PIGN: variants seen among roughly 807,000 people sequenced by gnomAD.
The protein encoded by PIGN is GPI ethanolamine phosphate transferase 1.
A neutral mutation model predicts 125.4 loss-of-function variants in PIGN; 117 were observed. The observed-to-expected ratio is 0.93, with a 90% CI of 0.80 to 1.09. The LOEUF is 1.09. PIGN is among the 50% of genes least tolerant of loss of function. The pLI is 0.00. For missense variants in PIGN, 1,075 were observed against 1,094.9 expected, an observed-to-expected ratio of 0.98 and a Z score of 0.26; for synonymous variants, 392 against 377.8, an observed-to-expected ratio of 1.04 and a Z score of -0.44.
intron 14 of PIGN, among the ~76,000 whole-genome samples, chr18:62,133,971 T>C (rs2035833802): frequency 6.6e-6 from 1 of 152,216 alleles, no homozygotes; most frequent in African/African-American, 2.4e-5. Flanking sequence ...ATGTTCTTCT[T>C]ACTTTTTCTT....
chr18:62,182,657 T>G (rs535164142), intron 1 of PIGN, among the ~76,000 whole-genome samples: 1 of 152,344 alleles, frequency 6.6e-6, no homozygotes, highest in South Asian at 2.1e-4. Flanking sequence ...ATCCATTTCT[T>G]GCCATGTAGC....
chr18:62,079,348 T>C (rs2033337025), intron 28 of PIGN, among the ~76,000 whole-genome samples: 1 of 152,248 alleles, frequency 6.6e-6, no homozygotes, highest in African/African-American at 2.4e-5. Flanking sequence ...TCACAAAATG[T>C]ATCACCAGTG....
rs1301709005 is a variant in PIGN, at chr18:62,041,550, C to G, written c.*4306G>C. The G allele has an allele frequency of 1.3e-5, 2 of 151,978 alleles. No homozygotes were observed. The highest frequency in any genetic ancestry group is 2.9e-5 in the Non-Finnish European group (2 of 68,006). 9.4% of individuals were successfully genotyped at this position (151,978 alleles called of 1,614,324 possible). A position where few individuals can be genotyped will look rare whatever the true frequency, so the allele number is the denominator to read the frequency against. On this transcript the variant is annotated 3_prime_UTR_variant, in exon 31 of 31. Coordinates refer to ENST00000640252, the MANE Select transcript of PIGN (RefSeq NM_176787.5). ...GTCGCCCAGAGTGGCACCATCTCGG[C>G]TCATTGCAAATTCCACCTCCCAGGT...
chr18:62,086,800 T>C (rs1284495267), intron 25 of PIGN, among the ~76,000 whole-genome samples: 1 of 151,908 alleles, frequency 6.6e-6, no homozygotes, highest in Non-Finnish European at 1.5e-5. Flanking sequence ...ATGTCAGAGA[T>C]AAGGAAATGT....
intron 1 of PIGN, among the ~76,000 whole-genome samples, chr18:62,176,228 G>C (rs932576446): frequency 5.9e-5 from 9 of 151,946 alleles, no homozygotes; most frequent in African/African-American, 2.2e-4. Flanking sequence ...AGAATACAAT[G>C]AGATATTAAT....
intron 11 of PIGN, among the ~76,000 whole-genome samples, chr18:62,140,714 A>G (rs973586848): frequency 7.2e-5 from 11 of 152,216 alleles, no homozygotes; most frequent in Admixed American, 6.5e-4. Context: ...TGTAAAACAT[A>G]CTAAAACAAA....
At chr18:62,123,683 G>C (rs2035395705) in intron 14 of PIGN, 1 of 152,072 alleles carries the variant, frequency 6.6e-6, no homozygotes, top group Admixed American at 6.6e-5. Flanking sequence ...AGAAAATATG[G>C]TATTATCCAC....
chr18:62,070,284 G>A (rs2032768548), intron 30 of PIGN: 1 of 395,364 alleles, frequency 2.5e-6, no homozygotes, highest in South Asian at 1.4e-4. Context: ...ACTTTAGAAT[G>A]AGAGGGCTGG....
chr18:62,065,228 T>G (rs1397156803), intron 30 of PIGN, among the ~76,000 whole-genome samples: 1 of 152,142 alleles, frequency 6.6e-6, no homozygotes, highest in African/African-American at 2.4e-5. Context: ...TTTTAAAAAC[T>G]TTTTTATAAA....
chr18:62,156,800 AAACT>A (rs1369291941), intron 6 of PIGN, among the ~76,000 whole-genome samples: 6 of 152,224 alleles, frequency 3.9e-5, no homozygotes, highest in African/African-American at 1.4e-4. Flanking sequence ...TATGAGACAG[AAACT>A]AATATTATCA....
chr18:62,080,169 G>A (rs988162015), intron 28 of PIGN, among the ~76,000 whole-genome samples: 5 of 151,984 alleles, frequency 3.3e-5, no homozygotes, highest in African/African-American at 9.7e-5. Flanking sequence ...AATCCCTGCC[G>A]TGTAGCCATG....
At position 62,082,734 on chromosome 18, in the gene PIGN, A is replaced by C; in HGVS notation, c.2515T>G (p.Phe839Val). ...ALMMWKILIP[F>V]VLVMCAFEAV... ...TCAAAAGCACACATAACAAGAACAA[A>C]GGGGATTAAAATCTGTAAAAGAACA... The change falls in exon 28 of 31, where the codon TTT (phenylalanine) becomes GTT (valine). Residue 839 changes from phenylalanine to valine, a missense_variant. This residue lies in a region of PIGN where 915 missense variants were observed against 908.7 expected (regional missense o/e 1.01). Coordinates refer to ENST00000640252, the MANE Select transcript of PIGN (RefSeq NM_176787.5). 2 of 1,539,560 alleles carry C rather than the reference A, an allele frequency of 1.3e-6. No individual in the cohort carries two copies. Among genetic ancestry groups the C allele is most frequent in the South Asian group, 2.4e-5 (2 of 83,492 alleles).
At chr18:62,126,005 G>C (rs1194081675) in intron 14 of PIGN, among the ~76,000 whole-genome samples, 2 of 151,734 alleles carry the variant, frequency 1.3e-5, no homozygotes, top group Admixed American at 6.6e-5. Flanking sequence ...ACCCATCAAG[G>C]GTTTTAGTAA....
rs556471887 is a variant in PIGN at position 62,067,358 on chromosome 18, G to A, written c.2672+5315C>T. Among the ~76,000 whole-genome samples the A allele has an allele frequency of 2.6e-5, 4 of 152,220 alleles. No individual in the cohort carries two copies. In the South Asian group the frequency reaches 8.3e-4, roughly 32 times the overall value. On this transcript the variant is annotated intron_variant, in intron 30 of 30. Coordinates refer to ENST00000640252, the MANE Select transcript of PIGN (RefSeq NM_176787.5). ...GGTATAATTTACATGTGAGAAAATG[G>A]AACCATTTTAAATGTCCAGTTAGCC...
intron 1 of PIGN, among the ~76,000 whole-genome samples, chr18:62,168,677 G>A (rs2037240461): frequency 6.6e-6 from 1 of 151,954 alleles, no homozygotes; most frequent in African/African-American, 2.4e-5. Flanking sequence ...CCAATTTTGT[G>A]AAGTGATCCA....
At chr18:62,095,664 A>C (rs1449920662) in intron 23 of PIGN, among the ~76,000 whole-genome samples, 184 bp downstream of exon 23, 5 of 152,218 alleles carry the variant, frequency 3.3e-5, no homozygotes, top group Admixed American at 1.3e-4. Flanking sequence ...GATTTAAAAA[A>C]CAGAAAACAG....
chr18:62,125,151 TATACATGTTTGTACATATGTGTATATAA>T lies in PIGN; in HGVS notation c.1173-10540_1173-10513del, dbSNP rs1397031555. On this transcript the variant is annotated intron_variant, in intron 14 of 30. Coordinates refer to ENST00000640252, the MANE Select transcript of PIGN (RefSeq NM_176787.5). The stretch of plus-strand genomic sequence containing the variant: ...ATATACACGTTTGTACATATGTGTA[TATACATGTTTGTACATATGTGTATATAA>T]ATATACACGTTTGTACATATGTGTA... 2.2e-3 allele frequency among the ~76,000 whole-genome samples: 256 copies of T among 114,296 alleles called. 4 individuals carry two copies. The highest frequency in any genetic ancestry group is 5.9e-3 in the African/African-American group (227 of 38,564). 75.0% of individuals were successfully genotyped at this position (114,296 alleles called of 152,430 possible).
downstream of PIGN, among the ~76,000 whole-genome samples, chr18:62,040,014 G>A (rs113315649): frequency 9.9e-5 from 10 of 101,208 alleles, no homozygotes; most frequent in South Asian, 4.3e-4. Flanking sequence ...CCCCATCCAG[G>A]GTGCCGCACC....
intron 4 of PIGN, among the ~76,000 whole-genome samples, chr18:62,160,240 A>G (rs2036899780): frequency 6.6e-6 from 1 of 152,252 alleles, no homozygotes; most frequent in African/African-American, 2.4e-5. Context: ...TCTCCATAAC[A>G]GCATTACAAG....
Sources: gnomAD v4.1 joint callset for allele counts (sites outside exome capture counted in the v4.1 genomes callset) on GRCh38, gnomAD v4.1.1 for gene constraint, gnomAD v4.1.1 regional missense constraint, MANE v1.5 for transcripts, NCBI Gene and HGNC (gene_info 2026-07-23, HGNC 2026-07-21) for gene names.